PRSS23: variants seen among roughly 807,000 people sequenced by gnomAD.
PRSS23 encodes serine protease 23.
In PRSS23, 25 loss-of-function variants were observed where a neutral mutation model predicts 34.7. That is an observed-to-expected ratio of 0.72 (90% CI 0.53 to 1.01). PRSS23 has a LOEUF of 1.01. Among genes scored for constraint, PRSS23 ranks in the 50% least tolerant of loss-of-function variants. The pLI is 0.00. For synonymous variants in PRSS23, 176 were observed against 186.6 expected, an observed-to-expected ratio of 0.94 and a Z score of 0.46; for missense variants, 445 against 475.6, an observed-to-expected ratio of 0.94 and a Z score of 0.60.
intron 2 of PRSS23, among the ~76,000 whole-genome samples, chr11:86,866,810 G>A (rs1381185287): frequency 3.9e-5 from 6 of 152,058 alleles, no homozygotes; most frequent in Admixed American, 2.6e-4. Flanking sequence ...GTTAAAAAGA[G>A]TCCCCCACCC....
At chr11:86,806,001 A>T (rs561140025) in intron 1 of PRSS23, among the ~76,000 whole-genome samples, 137 of 152,364 alleles carry the variant, frequency 9.0e-4, no homozygotes, top group African/African-American at 3.1e-3. Context: ...CTATTGAACC[A>T]GAAGAGTCAG....
upstream of PRSS23, among the ~76,000 whole-genome samples, chr11:86,796,170 G>C (rs548945230): frequency 1.3e-5 from 2 of 152,202 alleles, no homozygotes; most frequent in Admixed American, 6.5e-5. Context: ...GAAAAGGCAA[G>C]TCTGGGAAGC....
At chr11:86,894,398 A>G (rs1948861335) in intron 2 of PRSS23, among the ~76,000 whole-genome samples, 1 of 152,184 alleles carries the variant, frequency 6.6e-6, no homozygotes, top group Non-Finnish European at 1.5e-5. Flanking sequence ...TTCAAAGACA[A>G]TGAATGTTAG....
At chr11:86,816,822 C>T (rs1313424222) in intron 1 of PRSS23, among the ~76,000 whole-genome samples, 1 of 152,128 alleles carries the variant, frequency 6.6e-6, no homozygotes, top group African/African-American at 2.4e-5. Flanking sequence ...CATTCAATTC[C>T]TTCATTATAT....
rs200091495 is a variant in PRSS23 at position 86,855,170 on chromosome 11, TAA to T, written c.206+31590_206+31591del. Among the ~76,000 whole-genome samples the T allele has an allele frequency of 3.4e-3, 483 of 140,534 alleles. 4 individuals are homozygous for T. Among genetic ancestry groups the T allele is most frequent in the African/African-American group, 0.012 (451 of 38,470 alleles). 92.2% of individuals were successfully genotyped at this position (140,534 alleles called of 152,430 possible). On this transcript the variant is annotated intron_variant, in intron 2 of 2. Transcript: ENST00000533902. Reference sequence around the variant, plus strand: ...AACAAGAGCAAAACTCCACCTCAATTAAAAAAAAAAAAAATACAGCATGATTT... The same window carrying T: ...AACAAGAGCAAAACTCCACCTCAATTAAAAAAAAAAAATACAGCATGATTT...
At chr11:86,830,439 C>T (rs1948344392) in intron 2 of PRSS23, among the ~76,000 whole-genome samples, 3 of 152,302 alleles carry the variant, frequency 2.0e-5, no homozygotes, top group Non-Finnish European at 4.4e-5. Context: ...ACCCTTTGCG[C>T]TTCCCAAGTG....
chr11:86,795,181 CATTT>C (rs1291813314), intron 1 of PRSS23, among the ~76,000 whole-genome samples: 7 of 152,070 alleles, frequency 4.6e-5, no homozygotes, highest in Non-Finnish European at 1.5e-5. Flanking sequence ...TTTTCAAAAA[CATTT>C]ATTGAGCATT....
chr11:86,795,556 T>C (rs1947975626), upstream of PRSS23, among the ~76,000 whole-genome samples: 4 of 152,270 alleles, frequency 2.6e-5, no homozygotes, highest in South Asian at 8.3e-4. Flanking sequence ...AGGATTACTA[T>C]GTCATAAGCT....
chr11:86,905,146 C>T (rs1239661318), intron 2 of PRSS23, among the ~76,000 whole-genome samples: 1 of 152,122 alleles, frequency 6.6e-6, no homozygotes, highest in East Asian at 1.9e-4. Flanking sequence ...CATGTCATAC[C>T]GAAATGATCC....
At chr11:86,940,130 C>A (rs1049142818) in intron 2 of PRSS23, among the ~76,000 whole-genome samples, 1 of 152,116 alleles carries the variant, frequency 6.6e-6, no homozygotes, top group Non-Finnish European at 1.5e-5. Flanking sequence ...CTAAATGCTA[C>A]CCTCTCCTCC....
chr11:86,940,372 A>G (rs182896423), intron 2 of PRSS23, among the ~76,000 whole-genome samples: 22 of 152,206 alleles, frequency 1.4e-4, no homozygotes, highest in Non-Finnish European at 2.5e-4. Context: ...GAAAGCAAAG[A>G]TTCGGCTCAT....
intron 2 of PRSS23, among the ~76,000 whole-genome samples, chr11:86,872,465 C>T (rs888930232): frequency 3.9e-5 from 6 of 152,144 alleles, no homozygotes; most frequent in Admixed American, 1.3e-4. Flanking sequence ...TAAACATATC[C>T]GTACTCTGCC....
intron 2 of PRSS23, among the ~76,000 whole-genome samples, chr11:86,931,838 T>A (rs200100692): frequency 8.8e-4 from 133 of 151,562 alleles, no homozygotes; most frequent in South Asian, 1.7e-3. Context: ...CAATTTTTTT[T>A]AAAAAAAAGA....
intron 2 of PRSS23, chr11:86,935,191 G>A (rs569394897): frequency 6.6e-6 from 1 of 152,352 alleles, no homozygotes; most frequent in African/African-American, 2.4e-5. Context: ...GCTTATTTAA[G>A]TCACCTGACT....
Position 86,808,543 on chromosome 11 carries a change from G to C in PRSS23, c.900G>C (p.Glu300Asp), listed in dbSNP as rs1306475878. 1 of 1,614,246 alleles carries C rather than the reference G, an allele frequency of 6.2e-7. No individual in the cohort carries two copies. The change falls in exon 2 of 2, where the codon GAG (glutamate) becomes GAC (aspartate). Residue 300 changes from glutamate (E) to aspartate (D), a missense_variant. Transcript: ENST00000280258. ...ATCGCTTCTGTGACGTCAAAGACGAGACCTATGACTTGCTCTACCAGCAAT... is the reference window on the plus strand; with the variant it reads ...ATCGCTTCTGTGACGTCAAAGACGACACCTATGACTTGCTCTACCAGCAAT... ...LVYRFCDVKDETYDLLYQQCD... is the reference protein window; with the variant it reads ...LVYRFCDVKDDTYDLLYQQCD...
intron 2 of PRSS23, among the ~76,000 whole-genome samples, chr11:86,841,601 A>G (rs978474631): frequency 5.9e-5 from 9 of 152,196 alleles, no homozygotes; most frequent in African/African-American, 1.7e-4. Flanking sequence ...GATAATGGAG[A>G]TATCACCACT....
intron 2 of PRSS23, among the ~76,000 whole-genome samples, chr11:86,892,658 C>A (rs922814583): frequency 6.6e-5 from 10 of 152,110 alleles, no homozygotes; most frequent in Non-Finnish European, 1.2e-4. Flanking sequence ...AACCCACCTC[C>A]TAAGGCTTTA....
At chr11:86,897,132 T>C (rs1348435216) in intron 2 of PRSS23, among the ~76,000 whole-genome samples, 1 of 152,266 alleles carries the variant, frequency 6.6e-6, no homozygotes, top group Non-Finnish European at 1.5e-5. Flanking sequence ...ATTGAGATCT[T>C]GGAAAATCAC....
At chr11:86,800,465 C>T (rs1948018349), upstream of PRSS23, 6 of 983,686 alleles carry the variant, frequency 6.1e-6, no homozygotes, top group South Asian at 2.8e-4. Flanking sequence ...TCCCCGAGGC[C>T]GGAGGCGGGG....
Sources: allele counts gnomAD v4.1 joint callset (sites outside exome capture counted in the v4.1 genomes callset), GRCh38; gene constraint gnomAD v4.1.1; transcripts MANE v1.5; gene names NCBI Gene and HGNC (gene_info 2026-07-23, HGNC 2026-07-21).